Variants in CNTNAP2 observed in about 807,000 individuals in gnomAD.
CNTNAP2 encodes the protein contactin-associated protein-like 2.
CNTNAP2 carries 98 observed loss-of-function variants against 155.2 expected under a neutral mutation model. The observed-to-expected ratio is 0.63, with a 90% CI of 0.54 to 0.75. The LOEUF (loss-of-function observed/expected upper bound fraction) is 0.75, where lower values mean the gene tolerates loss of function less well. Among genes scored for constraint, CNTNAP2 ranks in the 30% least tolerant of loss-of-function variants. The probability of loss-of-function intolerance (pLI) is 0.00; values close to 1 mark genes in which losing one functional copy is unlikely to be tolerated. For missense variants in CNTNAP2, 1,727 were observed against 1,688.1 expected, an observed-to-expected ratio of 1.02 and a Z score of -0.40; for synonymous variants, 651 against 631.2, an observed-to-expected ratio of 1.03 and a Z score of -0.47.
intron 1 of CNTNAP2, among the ~76,000 whole-genome samples, chr7:146,752,293 A>G (rs1801919145): frequency 6.6e-6 from 1 of 152,020 alleles, no homozygotes; most frequent in Non-Finnish European, 1.5e-5. Context: ...ATCTATTGTT[A>G]CCTGACTTTT....
chr7:148,315,980 A>G (rs1489147144), intron 21 of CNTNAP2, among the ~76,000 whole-genome samples: 4 of 152,126 alleles, frequency 2.6e-5, no homozygotes, highest in Non-Finnish European at 4.4e-5. Context: ...CTGAGATCCT[A>G]CTTTTTGCCG....
intron 9 of CNTNAP2, among the ~76,000 whole-genome samples, chr7:147,304,912 T>C (rs941622393): frequency 2.0e-5 from 3 of 152,128 alleles, no homozygotes; most frequent in Non-Finnish European, 2.9e-5. Context: ...TGAGGGCACA[T>C]AATGAGAAGC....
intron 22 of CNTNAP2, among the ~76,000 whole-genome samples, chr7:148,398,326 T>C (rs906847823): frequency 6.6e-6 from 1 of 152,226 alleles, no homozygotes; most frequent in Non-Finnish European, 1.5e-5. Flanking sequence ...AAACATCCCA[T>C]GCCTATTGGC....
chr7:146,531,578 C>T (rs1584966764), intron 1 of CNTNAP2, among the ~76,000 whole-genome samples: 1 of 152,232 alleles, frequency 6.6e-6, no homozygotes, highest in Middle Eastern at 3.4e-3. Flanking sequence ...CGGAGTCTCG[C>T]TCAGTTGCCC....
chr7:148,375,611 G>A (rs1019877810), intron 21 of CNTNAP2, among the ~76,000 whole-genome samples: 10 of 150,118 alleles, frequency 6.7e-5, no homozygotes, highest in Non-Finnish European at 1.3e-4. Flanking sequence ...CACCTGCCTC[G>A]GCCTCCCAAA....
intron 1 of CNTNAP2, among the ~76,000 whole-genome samples, chr7:146,344,772 C>T (rs555162166): frequency 2.6e-5 from 4 of 152,310 alleles, no homozygotes; most frequent in East Asian, 3.9e-4. Flanking sequence ...CCACTGCTCC[C>T]GGCCAACTAG....
chr7:148,103,154 G>T (rs1199685791), intron 15 of CNTNAP2, among the ~76,000 whole-genome samples: 1 of 151,066 alleles, frequency 6.6e-6, no homozygotes, highest in Non-Finnish European at 1.5e-5. Flanking sequence ...GTGATTTTGA[G>T]TTGTGTCTGT....
chr7:148,228,696 C>T lies in CNTNAP2; in HGVS notation c.3248-950C>T, dbSNP rs970578721. ...AAAAAAAATTAGCCCAGCGTGGTAG[C>T]GTGCGCCTGTAGTCCCAGCTACTGG... is the stretch of plus-strand genomic sequence containing the variant. On this transcript the variant is annotated intron_variant, in intron 19 of 23. Coordinates refer to ENST00000361727, the MANE Select transcript of CNTNAP2 (RefSeq NM_014141.6). Among the ~76,000 whole-genome samples the T allele has an allele frequency of 3.0e-5, 4 of 131,460 alleles. No homozygotes were observed. In the East Asian group the frequency reaches 6.0e-4, roughly 20 times the overall value. The allele number at this position is 131,460 out of a possible 152,430, so 86.2% of individuals were successfully genotyped here.
intron 3 of CNTNAP2, among the ~76,000 whole-genome samples, chr7:146,899,484 C>G (rs1431857699): frequency 1.5e-5 from 2 of 135,652 alleles, no homozygotes; most frequent in South Asian, 2.3e-4. Flanking sequence ...TTCTCTCTTT[C>G]ACTTTCCCTG....
At chr7:146,843,410 A>G (rs1276798153) in intron 3 of CNTNAP2, among the ~76,000 whole-genome samples, 1 of 152,124 alleles carries the variant, frequency 6.6e-6, no homozygotes, top group Non-Finnish European at 1.5e-5. Flanking sequence ...ATCACCTACT[A>G]TCAGGCCCCT....
intron 20 of CNTNAP2, among the ~76,000 whole-genome samples, chr7:148,240,346 C>G (rs527801461): frequency 6.6e-6 from 1 of 152,190 alleles, no homozygotes; most frequent in East Asian, 1.9e-4. Flanking sequence ...CCTGTTCCAC[C>G]TACTTCTCCT....
rs75560832 is a variant in CNTNAP2 at position 146,800,784 on chromosome 7, A to G, written c.208+26403A>G. On this transcript the variant is annotated intron_variant, in intron 2 of 23. Transcript: ENST00000361727. ...TCAAAAACATGAAACGAATTATACT[A>G]GATATAATCTCCCATAGGATTTACT... Among the ~76,000 whole-genome samples the G allele has an allele frequency of 4.8e-3, 730 of 152,272 alleles. 10 individuals carry two copies. Among genetic ancestry groups the G allele is most frequent in the African/African-American group, 0.017 (688 of 41,560 alleles).
chr7:146,886,713 C>G (rs1795670630), intron 3 of CNTNAP2, among the ~76,000 whole-genome samples: 1 of 150,876 alleles, frequency 6.6e-6, no homozygotes, highest in Admixed American at 6.7e-5. Context: ...AGGAAATTTT[C>G]ATACCAACGT....
At chr7:147,801,858 G>A (rs1271265537) in intron 13 of CNTNAP2, among the ~76,000 whole-genome samples, 3 of 151,856 alleles carry the variant, frequency 2.0e-5, no homozygotes, top group Admixed American at 6.6e-5. Context: ...CAGACGGGGG[G>A]GGCGGCCGGG....
intron 13 of CNTNAP2, among the ~76,000 whole-genome samples, chr7:147,862,462 C>T (rs1799152731): frequency 6.6e-6 from 1 of 152,086 alleles, no homozygotes; most frequent in Admixed American, 6.6e-5. Context: ...GTTATAATGT[C>T]CTATAATGTA....
At chr7:147,873,972 A>G (rs888874682) in intron 13 of CNTNAP2, among the ~76,000 whole-genome samples, 2 of 152,166 alleles carry the variant, frequency 1.3e-5, no homozygotes, top group African/African-American at 4.8e-5. Flanking sequence ...TTCCAAAATG[A>G]TCTCCTTTGA....
At position 147,175,276 on chromosome 7, in the gene CNTNAP2, C is replaced by A. The variant is rs577347403; in HGVS notation, c.1348+42767C>A. 4.7e-5 allele frequency among the ~76,000 whole-genome samples: 7 copies of A among 150,512 alleles called. No homozygotes were observed. The East Asian group carries it at 1.2e-3, about 25-fold the overall frequency. On this transcript the variant is annotated intron_variant, in intron 8 of 23. Coordinates refer to ENST00000361727, the MANE Select transcript of CNTNAP2 (RefSeq NM_014141.6). ...GCCCTTCTGCTCTTTTTTTGTAACT[C>A]CTATATTCCCTCCTATCCTTTAAAT... is the stretch of plus-strand genomic sequence containing the variant.
Position 146,116,871 on chromosome 7 carries a change from C to A in CNTNAP2, c.-6C>A. On this transcript the variant is annotated 5_prime_UTR_variant, in exon 1 of 24. Transcript: ENST00000361727. This position sits in a 1 kb window ranked among gnomAD's most constrained non-coding sequence, Gnocchi z 5.5. Reference sequence around the variant, plus strand: ...TCTTGGAGCGCCGCCGGCCGGGAGGCGAAGGATGCAGGCGGCTCCGCGCGC... The same window carrying A: ...TCTTGGAGCGCCGCCGGCCGGGAGGAGAAGGATGCAGGCGGCTCCGCGCGC... 1 of 1,541,574 alleles carries A rather than the reference C, an allele frequency of 6.5e-7. No homozygotes were observed. The highest frequency in any genetic ancestry group is 8.8e-7 in the Non-Finnish European group (1 of 1,141,174).
At chr7:148,137,702 AAG>A (rs1229162023) in intron 16 of CNTNAP2, among the ~76,000 whole-genome samples, 11 of 149,716 alleles carry the variant, frequency 7.3e-5, no homozygotes, top group African/African-American at 2.5e-4. Flanking sequence ...GGAAGGAAGG[AAG>A]GAAGGAAGGA....
Sources: gnomAD v4.1 joint callset for allele counts (sites outside exome capture counted in the v4.1 genomes callset) on GRCh38, gnomAD v4.1.1 for gene constraint, Gnocchi (gnomAD v3.1) non-coding constraint, MANE v1.5 for transcripts, NCBI Gene and HGNC (gene_info 2026-07-23, HGNC 2026-07-21) for gene names.